The following COL22A1 variants were observed in gnomAD, a reference collection of about 807,000 sequenced individuals.
COL22A1 encodes collagen alpha-1(XXII) chain.
Under a neutral mutation model 248.9 loss-of-function variants are expected in COL22A1, and 221 were observed. That is an observed-to-expected ratio of 0.89 (90% CI 0.80 to 0.99). COL22A1 has a LOEUF of 0.99. Among genes scored for constraint, COL22A1 ranks in the 50% least tolerant of loss-of-function variants. The pLI is 0.00. For missense variants in COL22A1, 2,240 were observed against 2,179.0 expected (o/e 1.03, Z -0.56); for synonymous variants, 891 against 793.4 (o/e 1.12, Z -2.07).
chr8:138,833,199 A>G, intron 4 of COL22A1, 49 bp from the exon 5 acceptor site: 1 of 1,345,972 alleles, frequency 7.4e-7, no homozygotes, highest in Non-Finnish European at 1.1e-6. Flanking sequence ...GAAGAGTATA[A>G]GAGACAAAGG....
intron 47 of COL22A1, among the ~76,000 whole-genome samples, chr8:138,637,845 C>T (rs1203194816): frequency 6.7e-6 from 1 of 150,334 alleles, no homozygotes; most frequent in Non-Finnish European, 1.5e-5. Flanking sequence ...ATTATCATCA[C>T]CATCACCATC....
intron 39 of COL22A1, 109 bp downstream of exon 39, chr8:138,684,316 A>G (rs1826178037): frequency 1.3e-6 from 1 of 799,846 alleles, no homozygotes; most frequent in Non-Finnish European, 2.3e-6. Context: ...ATGAGCTGAG[A>G]AACATGGAAG....
At chr8:138,897,979 T>C (rs77360215) in intron 1 of COL22A1, among the ~76,000 whole-genome samples, 2 of 152,080 alleles carry the variant, frequency 1.3e-5, no homozygotes, top group Non-Finnish European at 1.5e-5. Context: ...TTCTGATTCA[T>C]AGAGGGCTCT....
chr8:138,798,126 T>TACA (rs1395786277), intron 11 of COL22A1, among the ~76,000 whole-genome samples: 6 of 147,958 alleles, frequency 4.1e-5, no homozygotes, highest in African/African-American at 7.4e-5. Context: ...AACCTATTTG[T>TACA]ACAACAAATT....
chr8:138,715,253 C>T lies in COL22A1; in HGVS notation c.2517+429G>A, dbSNP rs552016583. ...GAGTCATGAACGCAACTAAATTCTG[C>T]GGAAATGTAAAGATTCAGTACAGGC... On this transcript the variant is annotated intron_variant, in intron 30 of 64. Coordinates refer to ENST00000303045, the MANE Select transcript of COL22A1 (RefSeq NM_152888.3). Among the ~76,000 whole-genome samples, 219 of 152,220 alleles carry T rather than the reference C, an allele frequency of 1.4e-3. 2 individuals are homozygous for T. The highest frequency in any genetic ancestry group is 2.6e-3 in the Non-Finnish European group (180 of 68,006).
intron 61 of COL22A1, among the ~76,000 whole-genome samples, chr8:138,598,035 A>T (rs1817683326): frequency 6.6e-6 from 1 of 152,168 alleles, no homozygotes; most frequent in South Asian, 2.1e-4. Context: ...TCTCCAGAAG[A>T]CCATATGGGC....
At chr8:138,633,862 T>A (rs952276662) in intron 49 of COL22A1, among the ~76,000 whole-genome samples, 10 of 152,184 alleles carry the variant, frequency 6.6e-5, no homozygotes, top group Non-Finnish European at 1.3e-4. Context: ...CCCTACAATA[T>A]CCTTCACAAA....
chr8:138,904,322 G>C (rs1453558912), intron 1 of COL22A1, among the ~76,000 whole-genome samples: 1 of 150,824 alleles, frequency 6.6e-6, no homozygotes, highest in Admixed American at 6.6e-5. Context: ...ACTTCCAAAA[G>C]CCATCCAGAG....
intron 3 of COL22A1, among the ~76,000 whole-genome samples, chr8:138,864,251 G>A (rs1357808813): frequency 6.6e-6 from 1 of 152,078 alleles, no homozygotes; most frequent in Non-Finnish European, 1.5e-5. Context: ...TCCTGAGGGT[G>A]GACTGGACCA....
At chr8:138,794,464 G>C (rs977703462) in intron 12 of COL22A1, among the ~76,000 whole-genome samples, 7 of 151,632 alleles carry the variant, frequency 4.6e-5, no homozygotes, top group Non-Finnish European at 7.4e-5. Context: ...CAGTATGGTG[G>C]CTCCTCAAAA....
chr8:138,860,762 G>A (rs534845552), intron 3 of COL22A1, among the ~76,000 whole-genome samples: 75 of 151,990 alleles, frequency 4.9e-4, no homozygotes, highest in Non-Finnish European at 3.4e-4. Flanking sequence ...AAGCTATGAT[G>A]GCACCACTAC....
chr8:138,910,477 G>A (rs887017406), intron 1 of COL22A1, among the ~76,000 whole-genome samples: 1 of 152,096 alleles, frequency 6.6e-6, no homozygotes, highest in African/African-American at 2.4e-5. Context: ...TGCAGTTCCG[G>A]CAAGTCATTC....
At chr8:138,876,689 C>A (rs1316607523) in intron 3 of COL22A1, among the ~76,000 whole-genome samples, 1 of 152,204 alleles carries the variant, frequency 6.6e-6, no homozygotes, top group African/African-American at 2.4e-5. Context: ...CCCTGCCTCC[C>A]CTTCTGACTC....
chr8:138,592,694 A>C (rs778814847), intron 63 of COL22A1, among the ~76,000 whole-genome samples: 23 of 152,024 alleles, frequency 1.5e-4, no homozygotes, highest in Non-Finnish European at 3.2e-4. Context: ...AGCTAAAATG[A>C]CACCACATGC....
intron 32 of COL22A1, among the ~76,000 whole-genome samples, chr8:138,696,636 G>A (rs1365974613): frequency 1.3e-5 from 2 of 152,192 alleles, no homozygotes; most frequent in African/African-American, 4.8e-5. Flanking sequence ...ATGGCCTGCG[G>A]CTGTCTTCCT....
At chr8:138,770,662 C>A (rs1834285358) in intron 16 of COL22A1, among the ~76,000 whole-genome samples, 1 of 152,190 alleles carries the variant, frequency 6.6e-6, no homozygotes, top group Non-Finnish European at 1.5e-5. Context: ...CAGAGAGGTT[C>A]CTGAGAAAAT....
intron 27 of COL22A1, among the ~76,000 whole-genome samples, chr8:138,718,651 C>T (rs1015654103): frequency 6.6e-6 from 1 of 152,128 alleles, no homozygotes; most frequent in Non-Finnish European, 1.5e-5. Flanking sequence ...GATGCTTTGT[C>T]AAAATAAAGT....
chr8:138,786,855 G>A (rs1029115125), intron 12 of COL22A1, among the ~76,000 whole-genome samples: 2 of 152,140 alleles, frequency 1.3e-5, no homozygotes, highest in Non-Finnish European at 2.9e-5. Flanking sequence ...AGTGAGCCGA[G>A]ATCATGCCAC....
At chr8:138,898,939 A>T (rs927724154) in intron 1 of COL22A1, among the ~76,000 whole-genome samples, 1 of 152,164 alleles carries the variant, frequency 6.6e-6, no homozygotes, top group East Asian at 1.9e-4. Context: ...CAAAAATACA[A>T]AAAAACCTGA....
Sources: gnomAD v4.1 joint callset for allele counts (sites outside exome capture counted in the v4.1 genomes callset) on GRCh38, gnomAD v4.1.1 for gene constraint, MANE v1.5 for transcripts, NCBI Gene and HGNC (gene_info 2026-07-23, HGNC 2026-07-21) for gene names.